The following S100B variants were observed in gnomAD, a reference collection of about 807,000 sequenced individuals.
S100B encodes the protein protein S100-B.
Under a neutral mutation model 7.7 loss-of-function variants are expected in S100B, and 6 were observed. The observed-to-expected ratio is 0.78, with a 90% CI of 0.43 to 1.54. The LOEUF (loss-of-function observed/expected upper bound fraction) is 1.54. S100B is among the 40% of genes most tolerant of loss of function. The probability of loss-of-function intolerance (pLI) is 0.01; values close to 1 mark genes in which losing one functional copy is unlikely to be tolerated. For synonymous variants in S100B, 36 were observed against 40.4 expected (o/e 0.89, Z 0.41); for missense variants, 99 against 111.8 (o/e 0.89, Z 0.52).
rs2061050698 is a variant in S100B at position 46,604,069 on chromosome 21, T to C, written c.-2+944A>G. On this transcript the variant is annotated intron_variant, in intron 1 of 2. Coordinates refer to ENST00000291700, the MANE Select transcript of S100B (RefSeq NM_006272.3). Reference sequence around the variant, plus strand: ...GGAGGTTAAATTGTTTTTCTATGAATTGTGACTAATGGGATTATTACAAAG... The same window carrying C: ...GGAGGTTAAATTGTTTTTCTATGAACTGTGACTAATGGGATTATTACAAAG... 2.0e-5 allele frequency among the ~76,000 whole-genome samples: 3 copies of C among 152,352 alleles called. No homozygotes were observed. In the South Asian group the frequency reaches 6.2e-4, roughly 32 times the overall value.
chr21:46,602,032 T>G (rs1418729009), intron 2 of S100B, among the ~76,000 whole-genome samples: 3 of 152,234 alleles, frequency 2.0e-5, no homozygotes, highest in Non-Finnish European at 4.4e-5. Flanking sequence ...TTGGGACGCT[T>G]TGGCCTTTGG....
At chr21:46,602,560 C>G in intron 1 of S100B, 144 bp from the exon 2 acceptor site, 1 of 761,004 alleles carries the variant, frequency 1.3e-6, no homozygotes, top group African/African-American at 1.7e-5. Context: ...CAGGCATGGC[C>G]TGGAGGGGCA....
At chr21:46,602,657 G>C (rs1435896253) in intron 1 of S100B, 1 of 426,236 alleles carries the variant, frequency 2.3e-6, no homozygotes, top group African/African-American at 2.0e-5. Context: ...GTGGGCCACG[G>C]GGATATATTC....
chr21:46,601,918 A>C lies in S100B; in HGVS notation c.138+360T>G, dbSNP rs548028411. Among the ~76,000 whole-genome samples, 141 of 152,370 alleles carry C rather than the reference A, an allele frequency of 9.3e-4. 2 individuals carry two copies. Among genetic ancestry groups the C allele is most frequent in the African/African-American group, 3.0e-3 (126 of 41,580 alleles). On this transcript the variant is annotated intron_variant, in intron 2 of 2. Transcript: ENST00000291700. ...ATAGCAAATACTAAACTTCTAGCTAAAGCCAAAATATATCCTTTTCCTAAA... is the reference window on the plus strand; with the variant it reads ...ATAGCAAATACTAAACTTCTAGCTACAGCCAAAATATATCCTTTTCCTAAA...
Position 46,602,351 on chromosome 21 carries a change from TC to T in S100B, c.64del (p.Glu22ArgfsTer7). The T allele has an allele frequency of 6.2e-7, 1 of 1,613,990 alleles. No homozygotes were observed. The highest frequency in any genetic ancestry group is 8.5e-7 in the Non-Finnish European group (1 of 1,179,880). On this transcript the variant is annotated frameshift_variant, in exon 2 of 3. Transcript: ENST00000291700. LOFTEE classifies it high-confidence loss of function. ...IDVFHQYSGREGDKHKLKKSE... is the reference protein window; with the variant it reads ...IDVFHQYSGRXGDKHKLKKSE... ...TTTCTTCAGCTTGTGCTTGTCTCCC[TC>T]CCTTCCAGAATATTGGTGGAAAACG...
In S100B at chr21:46,599,316, T is replaced by C; in HGVS notation, c.*47A>G. 6.3e-7 allele frequency: 1 copy of C among 1,589,186 alleles called. No individual in the cohort carries two copies. Among genetic ancestry groups the C allele is most frequent in the Non-Finnish European group, 8.6e-7 (1 of 1,162,686 alleles). On this transcript the variant is annotated 3_prime_UTR_variant, in exon 3 of 3. Transcript: ENST00000291700. ...CTGCAAGCCCTTGCTGTCTGCTTTC[T>C]TGCATGACCGTCTCTGTTACAGGAA...
Position 46,599,252 on chromosome 21 carries a change from T to G in S100B, c.*111A>C. The stretch of plus-strand genomic sequence containing the variant: ...TCACAAAGCAAATCAAGCTTCCTAA[T>G]TAGCTACAACACGGCTGGAAAGCTC... On this transcript the variant is annotated 3_prime_UTR_variant, in exon 3 of 3. Coordinates refer to ENST00000291700, the MANE Select transcript of S100B (RefSeq NM_006272.3). The G allele has an allele frequency of 1.0e-6, 1 of 985,212 alleles. No individual in the cohort carries two copies. Among genetic ancestry groups the G allele is most frequent in the South Asian group, 1.5e-5 (1 of 65,606 alleles). The allele number at this position is 985,212 out of a possible 1,614,324, so 61.0% of individuals were successfully genotyped here.
intron 2 of S100B, 130 bp downstream of exon 2, chr21:46,602,148 G>A: frequency 1.2e-6 from 1 of 826,552 alleles, no homozygotes; most frequent in South Asian, 1.8e-5. Flanking sequence ...AAACAAGTTT[G>A]CAGAAGCAGC....
chr21:46,604,615 A>G (rs1442052014), intron 1 of S100B, among the ~76,000 whole-genome samples: 2 of 152,208 alleles, frequency 1.3e-5, no homozygotes, highest in Non-Finnish European at 2.9e-5. Flanking sequence ...GGAAGCATTT[A>G]TTTATGATAT....
chr21:46,601,707 G>C (rs2061041735), intron 2 of S100B, among the ~76,000 whole-genome samples: 1 of 152,188 alleles, frequency 6.6e-6, no homozygotes, highest in African/African-American at 2.4e-5. Context: ...CAAAGCCCCA[G>C]GGCTTCCAAA....
chr21:46,599,779 T>TG (rs1024025556), intron 2 of S100B, among the ~76,000 whole-genome samples: 2 of 121,686 alleles, frequency 1.6e-5, no homozygotes, highest in African/African-American at 5.3e-5. Context: ...TTAAAATACC[T>TG]GAAAAAAAAA....
intron 1 of S100B, 46 bp downstream of exon 1, chr21:46,604,967 A>C (rs939718838): frequency 3.3e-5 from 5 of 152,326 alleles, no homozygotes; most frequent in African/African-American, 4.8e-5. Flanking sequence ...CCAAAAGAAA[A>C]GAACCATTTC....
chr21:46,599,442 C>T lies in S100B; in HGVS notation c.200G>A (p.Gly67Asp), dbSNP rs1165656350. 1 of 1,613,718 alleles carries T rather than the reference C, an allele frequency of 6.2e-7. No homozygotes were observed. ...CATGAATTCCTGGAAGTCACATTCG[C>T]CGTCTCCATCATTGTCCAGTGTTTC... ...VMETLDNDGD[G>D]ECDFQEFMAF... is the part of the protein sequence containing the mutation. Residue 67 changes from glycine to aspartate, a missense_variant, in exon 3 of 3, where the codon GGC (glycine) becomes GAC (aspartate). Coordinates refer to ENST00000291700, the MANE Select transcript of S100B (RefSeq NM_006272.3).
At position 46,603,398 on chromosome 21, in the gene S100B, T is replaced by C. The variant is rs146566774; in HGVS notation, c.-1-982A>G. Among the ~76,000 whole-genome samples, 478 of 52,136 alleles carry C rather than the reference T, an allele frequency of 9.2e-3. 12 individuals carry two copies. Among genetic ancestry groups the C allele is most frequent in the Middle Eastern group, 0.038 (4 of 106 alleles). 34.2% of individuals were successfully genotyped at this position (52,136 alleles called of 152,430 possible). A position where few individuals can be genotyped will look rare whatever the true frequency, so the allele number is the denominator to read the frequency against. ...CAGTGACTGGGACGGCGGGAGGGGG[T>C]GGGGGCAGGAATAGGTGTTTCTCTG... On this transcript the variant is annotated intron_variant, in intron 1 of 2. Coordinates refer to ENST00000291700, the MANE Select transcript of S100B (RefSeq NM_006272.3).
Position 46,602,317 on chromosome 21 carries a change from CA to C in S100B, c.98del (p.Leu33ArgfsTer13). On this transcript the variant is annotated frameshift_variant, in exon 2 of 3. Transcript: ENST00000291700. LOFTEE classifies it high-confidence loss of function. ...AAAGCTCATTGTTGATGAGCTCCTT[CA>C]GTTCGGATTTCTTCAGCTTGTGCTT... ...GDKHKLKKSELKELINNELSH... is the reference protein window; with the variant it reads ...GDKHKLKKSEXKELINNELSH... 3.1e-6 allele frequency: 5 copies of C among 1,613,702 alleles called. No homozygotes were observed. The highest frequency in any genetic ancestry group is 4.2e-6 in the Non-Finnish European group (5 of 1,179,814).
At position 46,603,523 on chromosome 21, in the gene S100B, G is replaced by A. The variant is rs187627373; in HGVS notation, c.-1-1107C>T. ...TATCTGGTCAGTCTGGGAATGAGGC[G>A]CATTTTACAAAGGTTGCCTTGTCAG... On this transcript the variant is annotated intron_variant, in intron 1 of 2. Transcript: ENST00000291700. Among the ~76,000 whole-genome samples, 4 of 151,960 alleles carry A rather than the reference G, an allele frequency of 2.6e-5. No individual in the cohort carries two copies. In the East Asian group the frequency reaches 7.7e-4, roughly 29 times the overall value.
At chr21:46,600,626 G>A (rs1218135083) in intron 2 of S100B, among the ~76,000 whole-genome samples, 4 of 152,162 alleles carry the variant, frequency 2.6e-5, no homozygotes, top group African/African-American at 9.7e-5. Context: ...TGGATGGGCA[G>A]GAGCAGGGCA....
At chr21:46,603,507 A>G (rs1415973370) in intron 1 of S100B, among the ~76,000 whole-genome samples, 1 of 151,866 alleles carries the variant, frequency 6.6e-6, no homozygotes, top group Non-Finnish European at 1.5e-5. Flanking sequence ...ATATCTGGTC[A>G]GTCTGGGAAT....
chr21:46,602,706 G>A (rs1354274439), intron 1 of S100B: 2 of 281,086 alleles, frequency 7.1e-6, no homozygotes, highest in Admixed American at 4.8e-5. Flanking sequence ...GGCCAACAGG[G>A]AAACTGGCAA....
Sources: gnomAD v4.1 joint callset for allele counts (sites outside exome capture counted in the v4.1 genomes callset) on GRCh38, gnomAD v4.1.1 for gene constraint, MANE v1.5 for transcripts, NCBI Gene and HGNC (gene_info 2026-07-23, HGNC 2026-07-21) for gene names.